NUDCD3: variants seen among roughly 807,000 people sequenced by gnomAD.
NUDCD3 encodes the protein NudC domain containing 3, also known as nudC domain-containing protein 3.
A neutral mutation model predicts 39.7 loss-of-function variants in NUDCD3; 13 were observed. The ratio of observed to expected loss-of-function variants is 0.33; its 90% CI spans 0.21 to 0.52. The LOEUF (loss-of-function observed/expected upper bound fraction) is 0.52. Among genes scored for constraint, NUDCD3 ranks in the 20% least tolerant of loss-of-function variants. The pLI, the probability that NUDCD3 is intolerant of heterozygous loss-of-function variation, is 0.96. For missense variants in NUDCD3, 453 were observed against 458.1 expected (o/e 0.99, Z 0.10); for synonymous variants, 175 against 172.4 (o/e 1.02, Z -0.12).
intron 5 of NUDCD3, among the ~76,000 whole-genome samples, chr7:44,389,871 G>T (rs530413437): frequency 6.6e-6 from 1 of 152,278 alleles, no homozygotes; most frequent in South Asian, 2.1e-4. Context: ...AGGATGTAGA[G>T]AAGAAAAGGC....
At position 44,381,558 on chromosome 7, in the gene NUDCD3, C is replaced by G. The variant is rs1450756470; in HGVS notation, c.*4453G>C. 1 of 152,226 alleles carries G rather than the reference C, an allele frequency of 6.6e-6. No homozygotes were observed. Among genetic ancestry groups the G allele is most frequent in the Non-Finnish European group, 1.5e-5 (1 of 68,096 alleles). 9.4% of individuals were successfully genotyped at this position (152,226 alleles called of 1,614,324 possible). On this transcript the variant is annotated 3_prime_UTR_variant, in exon 6 of 6. Transcript: ENST00000355451. ...GATTGTAGCACAATGAGGGGTTAGA[C>G]TACAAAGTCCCTCAGGCCCTGACCA... is the stretch of plus-strand genomic sequence containing the variant.
Position 44,450,573 on chromosome 7 carries a change from C to T in NUDCD3, c.510-22870G>A, listed in dbSNP as rs187649364. ...CTGGGAGGCTGAGGCAGGAGGATCACTTGAGCCCAGGAGTTTGAGACCAGC... is the reference window on the plus strand; with the variant it reads ...CTGGGAGGCTGAGGCAGGAGGATCATTTGAGCCCAGGAGTTTGAGACCAGC... On this transcript the variant is annotated intron_variant, in intron 2 of 5. Coordinates refer to ENST00000355451, the MANE Select transcript of NUDCD3 (RefSeq NM_015332.4). 6.7e-4 allele frequency among the ~76,000 whole-genome samples: 102 copies of T among 152,082 alleles called. 2 individuals are homozygous for T. In the East Asian group the frequency reaches 0.016, roughly 24 times the overall value.
rs1250122463 is a variant in NUDCD3 at position 44,379,699 on chromosome 7, T to C, written c.*6312A>G. Reference sequence around the variant, plus strand: ...TTGCCATCACATGGCTGACCACCTCTGGTGAGAACACTGGAGAATAGTTTA... The same window carrying C: ...TTGCCATCACATGGCTGACCACCTCCGGTGAGAACACTGGAGAATAGTTTA... On this transcript the variant is annotated 3_prime_UTR_variant, in exon 6 of 6. Transcript: ENST00000355451. 1 of 152,244 alleles carries C rather than the reference T, an allele frequency of 6.6e-6. No homozygotes were observed. The highest frequency in any genetic ancestry group is 1.5e-5 in the Non-Finnish European group (1 of 68,076). 9.4% of individuals were successfully genotyped at this position (152,244 alleles called of 1,614,324 possible).
chr7:44,390,208 T>C (rs1401137100), intron 5 of NUDCD3, among the ~76,000 whole-genome samples: 1 of 151,790 alleles, frequency 6.6e-6, no homozygotes, highest in Non-Finnish European at 1.5e-5. Flanking sequence ...CTACTAAAAA[T>C]ACAAAATTAG....
chr7:44,444,391 A>T (rs1020998544), intron 2 of NUDCD3, among the ~76,000 whole-genome samples: 2 of 152,060 alleles, frequency 1.3e-5, no homozygotes, highest in Admixed American at 1.3e-4. Context: ...AGGCCTGGGG[A>T]CAGGGGAAGG....
Position 44,470,221 on chromosome 7 carries a change from T to C in NUDCD3, c.509+14747A>G, listed in dbSNP as rs1372382147. Among the ~76,000 whole-genome samples, 3 of 152,172 alleles carry C rather than the reference T, an allele frequency of 2.0e-5. No homozygotes were observed. The East Asian group carries it at 5.8e-4, about 29-fold the overall frequency. On this transcript the variant is annotated intron_variant, in intron 2 of 5. Coordinates refer to ENST00000355451, the MANE Select transcript of NUDCD3 (RefSeq NM_015332.4). ...ATTAACAGTTATATGAGAGAGAGAATATGCTAGTCTTTGGTTAGCTAAGAA... is the reference window on the plus strand; with the variant it reads ...ATTAACAGTTATATGAGAGAGAGAACATGCTAGTCTTTGGTTAGCTAAGAA...
chr7:44,468,349 CAAAAAAAAAAAA>C (rs77181470), intron 2 of NUDCD3: 7 of 381,110 alleles, frequency 1.8e-5, no homozygotes, highest in Admixed American at 6.2e-5. Flanking sequence ...GTAAAAACTG[CAAAAAAAAAAAA>C]AAAAAAAAAG....
intron 4 of NUDCD3, among the ~76,000 whole-genome samples, chr7:44,404,200 C>T (rs1371734284): frequency 6.6e-6 from 1 of 152,044 alleles, no homozygotes; most frequent in Admixed American, 6.6e-5. Context: ...CTTGTTTTTG[C>T]CTTAGATGTA....
At chr7:44,422,678 C>T (rs545943445) in intron 3 of NUDCD3, among the ~76,000 whole-genome samples, 1 of 152,258 alleles carries the variant, frequency 6.6e-6, no homozygotes, top group South Asian at 2.1e-4. Flanking sequence ...CAGGGCCAGA[C>T]GGATTCACAG....
At chr7:44,407,693 T>C (rs936912976) in intron 3 of NUDCD3, among the ~76,000 whole-genome samples, 1 of 151,996 alleles carries the variant, frequency 6.6e-6, no homozygotes, top group African/African-American at 2.4e-5. Flanking sequence ...AATATTTCTA[T>C]TTTATGTCTT....
At chr7:44,461,638 A>G (rs1412352948) in intron 2 of NUDCD3, among the ~76,000 whole-genome samples, 2 of 152,128 alleles carry the variant, frequency 1.3e-5, no homozygotes, top group Admixed American at 1.3e-4. Flanking sequence ...AGAAGCACCA[A>G]AGAGAGAGAG....
chr7:44,479,225 C>T (rs1673980355), intron 2 of NUDCD3, among the ~76,000 whole-genome samples: 1 of 152,144 alleles, frequency 6.6e-6, no homozygotes. Flanking sequence ...GGGACACAGC[C>T]AAACCATACT....
chr7:44,478,757 T>C (rs1052750268), intron 2 of NUDCD3, among the ~76,000 whole-genome samples: 30 of 152,126 alleles, frequency 2.0e-4, no homozygotes, highest in African/African-American at 6.8e-4. Context: ...CCAAAAATAC[T>C]ATAAATGAAA....
chr7:44,474,678 AT>A lies in NUDCD3; in HGVS notation c.509+10289del, dbSNP rs1800326774. 4.6e-5 allele frequency among the ~76,000 whole-genome samples: 7 copies of A among 152,376 alleles called. No homozygotes were observed. The South Asian group carries it at 1.4e-3, about 32-fold the overall frequency. On this transcript the variant is annotated intron_variant, in intron 2 of 5. Transcript: ENST00000355451. ...CAACACTGCTTTCTAAAAATGAAGC[AT>A]ATAACCTTCACTGCAAAATAAAAAT... is the stretch of plus-strand genomic sequence containing the variant.
intron 2 of NUDCD3, 117 bp from the exon 3 acceptor site, chr7:44,427,820 T>C (rs1799268040): frequency 1.9e-6 from 2 of 1,030,456 alleles, no homozygotes; most frequent in Middle Eastern, 6.0e-4. Flanking sequence ...AAGTTTCATC[T>C]CAAGTTCACT....
chr7:44,379,592 C>T lies in NUDCD3; in HGVS notation c.*6419G>A, dbSNP rs11764171. The T allele has an allele frequency of 0.12, 18,402 of 152,344 alleles. 1,510 individuals carry two copies. Among genetic ancestry groups the T allele is most frequent in the Non-Finnish European group, 0.18 (12,306 of 68,068 alleles). The allele number at this position is 152,344 out of a possible 1,614,324, so 9.4% of individuals were successfully genotyped here. A position where few individuals can be genotyped will look rare whatever the true frequency, so the allele number is the denominator to read the frequency against. ...GCACTCAGTTAATGCTCTACTGTTG[C>T]TGTCTGGATATCACTTGACTTTTGG... On this transcript the variant is annotated 3_prime_UTR_variant, in exon 6 of 6. Transcript: ENST00000355451.
chr7:44,447,105 T>C (rs950272295), intron 2 of NUDCD3, among the ~76,000 whole-genome samples: 2 of 152,222 alleles, frequency 1.3e-5, no homozygotes, highest in Admixed American at 6.5e-5. Flanking sequence ...ATGAGGCCAT[T>C]TCATTCCCTA....
intron 3 of NUDCD3, among the ~76,000 whole-genome samples, chr7:44,405,411 G>C (rs1056810695): frequency 2.6e-5 from 4 of 152,198 alleles, no homozygotes; most frequent in African/African-American, 9.6e-5. Flanking sequence ...ATTCCAGCCA[G>C]CAGTCTCCAA....
chr7:44,471,300 G>A (rs1271461337), intron 2 of NUDCD3, among the ~76,000 whole-genome samples: 1 of 152,214 alleles, frequency 6.6e-6, no homozygotes, highest in African/African-American at 2.4e-5. Flanking sequence ...AAAATGCTAT[G>A]TAAATAGTTG....
Sources: allele counts gnomAD v4.1 joint callset (sites outside exome capture counted in the v4.1 genomes callset), GRCh38; gene constraint gnomAD v4.1.1; transcripts MANE v1.5; gene names NCBI Gene and HGNC (gene_info 2026-07-23, HGNC 2026-07-21).